GRIK1: variants seen among roughly 807,000 people sequenced by gnomAD.
The protein encoded by GRIK1 is glutamate ionotropic receptor kainate type subunit 1.
Under a neutral mutation model 105.7 loss-of-function variants are expected in GRIK1, and 69 were observed. That is an observed-to-expected ratio of 0.65 (90% CI 0.54 to 0.80). The LOEUF (loss-of-function observed/expected upper bound fraction) is 0.80, where lower values mean the gene tolerates loss of function less well. Ranked by LOEUF, GRIK1 falls within the 30% of genes least tolerant of loss-of-function variation. GRIK1 has a pLI of 0.00. For synonymous variants in GRIK1, 438 were observed against 431.3 expected, an observed-to-expected ratio of 1.02 and a Z score of -0.19; for missense variants, 1,109 against 1,167.3, an observed-to-expected ratio of 0.95 and a Z score of 0.73.
At chr21:29,796,750 A>C (rs2066569381) in intron 1 of GRIK1, among the ~76,000 whole-genome samples, 1 of 152,136 alleles carries the variant, frequency 6.6e-6, no homozygotes, top group African/African-American at 2.4e-5. Context: ...AAAGTTCGAG[A>C]CCAGCCTGGC....
At chr21:29,901,682 C>G (rs2070414225) in intron 1 of GRIK1, among the ~76,000 whole-genome samples, 1 of 152,148 alleles carries the variant, frequency 6.6e-6, no homozygotes, top group Non-Finnish European at 1.5e-5. Context: ...AAGTCCAGGA[C>G]AAGACGGATT....
At chr21:29,770,669 C>G (rs147326559) in intron 1 of GRIK1, among the ~76,000 whole-genome samples, 1 of 152,220 alleles carries the variant, frequency 6.6e-6, no homozygotes, top group East Asian at 1.9e-4. Flanking sequence ...TATCTTCCTA[C>G]CACTTCTTGT....
At chr21:29,740,498 G>A (rs908895424) in intron 1 of GRIK1, among the ~76,000 whole-genome samples, 9 of 152,174 alleles carry the variant, frequency 5.9e-5, no homozygotes, top group African/African-American at 2.2e-4. Flanking sequence ...TTTCAGGCGT[G>A]AGCCATCGTG....
chr21:29,867,669 C>T (rs1601893851), intron 1 of GRIK1, among the ~76,000 whole-genome samples: 1 of 152,186 alleles, frequency 6.6e-6, no homozygotes, highest in East Asian at 1.9e-4. Flanking sequence ...TGGCGCATGC[C>T]TATAATCCCA....
intron 3 of GRIK1, among the ~76,000 whole-genome samples, chr21:29,681,464 C>G (rs1195563255): frequency 6.6e-6 from 1 of 152,240 alleles, no homozygotes; most frequent in Non-Finnish European, 1.5e-5. Flanking sequence ...CAGGCACACT[C>G]TCACCTGAGA....
chr21:29,878,618 G>T (rs767998957), intron 1 of GRIK1, among the ~76,000 whole-genome samples: 6 of 152,086 alleles, frequency 3.9e-5, no homozygotes, highest in African/African-American at 1.4e-4. Context: ...ATTATTAGGA[G>T]GTGGGGTCTC....
intron 1 of GRIK1, among the ~76,000 whole-genome samples, chr21:29,812,317 T>C (rs2067033183): frequency 1.3e-5 from 2 of 152,164 alleles, no homozygotes; most frequent in African/African-American, 4.8e-5. Context: ...GTTCTAATTA[T>C]GCTGATTAGA....
chr21:29,620,810 T>TATATAGATAGATAGATAGATAGATAG (rs2061979413), intron 7 of GRIK1, among the ~76,000 whole-genome samples: 1 of 114,972 alleles, frequency 8.7e-6, no homozygotes, highest in African/African-American at 4.2e-5. Flanking sequence ...TATATAGATA[T>TATATAGATAGATAGATAGATAGATAG]ATATATATAG....
At chr21:29,800,104 T>C (rs1222300867) in intron 1 of GRIK1, among the ~76,000 whole-genome samples, 4 of 152,178 alleles carry the variant, frequency 2.6e-5, no homozygotes, top group Non-Finnish European at 4.4e-5. Context: ...ATTTAGACAG[T>C]TCCTTTTTCT....
intron 1 of GRIK1, among the ~76,000 whole-genome samples, chr21:29,880,093 C>T (rs557722896): frequency 6.3e-4 from 96 of 152,172 alleles, no homozygotes; most frequent in Admixed American, 2.8e-3. Flanking sequence ...AAATTACTCA[C>T]GCTTCACTGT....
chr21:29,927,903 T>C (rs1199429128), intron 1 of GRIK1, among the ~76,000 whole-genome samples: 1 of 151,634 alleles, frequency 6.6e-6, no homozygotes, highest in African/African-American at 2.4e-5. Context: ...CAAACAAAAA[T>C]ATACATATAC....
chr21:29,710,919 A>T (rs746920078), intron 1 of GRIK1, among the ~76,000 whole-genome samples: 9 of 147,986 alleles, frequency 6.1e-5, no homozygotes, highest in Non-Finnish European at 1.2e-4. Flanking sequence ...CAGCAGTTTT[A>T]TCTGCTTTAA....
chr21:29,592,975 C>T (rs2061353906), intron 9 of GRIK1, among the ~76,000 whole-genome samples: 1 of 152,146 alleles, frequency 6.6e-6, no homozygotes, highest in Non-Finnish European at 1.5e-5. Flanking sequence ...GTGTTAGGCT[C>T]CATCCTCCTT....
In GRIK1 at chr21:29,581,478, T is replaced by C; in HGVS notation, c.1859A>G (p.Asn620Ser). The change falls in exon 13 of 18, where the codon AAT (asparagine) becomes AGT (serine). Residue 620 changes from asparagine to serine, a missense_variant. Physicochemically the swap from Asn to Ser is conservative, Grantham distance 46. Transcript: ENST00000327783. ...CNPDSDVVENNFTLLNSFWFG... is the reference protein window; with the variant it reads ...CNPDSDVVENSFTLLNSFWFG... ...CCAGAAACTATTTAGTAAAGTAAAA[T>C]TGTTTTCCACCACGTCTGAGTCAGG... 6.2e-7 allele frequency: 1 copy of C among 1,613,380 alleles called. No individual in the cohort carries two copies. Among genetic ancestry groups the C allele is most frequent in the East Asian group, 2.2e-5 (1 of 44,854 alleles).
At chr21:29,927,907 C>T (rs1443813876) in intron 1 of GRIK1, among the ~76,000 whole-genome samples, 1 of 151,932 alleles carries the variant, frequency 6.6e-6, no homozygotes, top group African/African-American at 2.4e-5. Context: ...CAAAAATATA[C>T]ATATACACAC....
At chr21:29,927,911 TAC>T (rs1159542107) in intron 1 of GRIK1, among the ~76,000 whole-genome samples, 5 of 151,946 alleles carry the variant, frequency 3.3e-5, no homozygotes, top group South Asian at 2.1e-4. Context: ...AATATACATA[TAC>T]ACACACATAT....
chr21:29,787,364 G>A lies in GRIK1; in HGVS notation c.119-93301C>T, dbSNP rs188108521. On this transcript the variant is annotated intron_variant, in intron 1 of 17. Transcript: ENST00000327783. ...TGGAGTGATTTGGGGGCTCAAGGGA[G>A]AGCATCTTATATAAATGTTTTCCTA... is the stretch of plus-strand genomic sequence containing the variant. Among the ~76,000 whole-genome samples, 134 of 152,298 alleles carry A rather than the reference G, an allele frequency of 8.8e-4. 1 individual carries two copies. Among genetic ancestry groups the A allele is most frequent in the African/African-American group, 2.9e-3 (122 of 41,564 alleles).
chr21:29,751,467 C>G (rs550407929), intron 1 of GRIK1, among the ~76,000 whole-genome samples: 11 of 152,096 alleles, frequency 7.2e-5, no homozygotes, highest in Admixed American at 1.3e-4. Flanking sequence ...GTCCACTTTT[C>G]CCCTTCAAGG....
At chr21:29,888,344 A>C (rs2069756020) in intron 1 of GRIK1, among the ~76,000 whole-genome samples, 1 of 148,564 alleles carries the variant, frequency 6.7e-6, no homozygotes, top group Non-Finnish European at 1.5e-5. Flanking sequence ...AGCTCACTGC[A>C]GCCTTGACCT....
Sources: gnomAD v4.1 joint callset for allele counts (sites outside exome capture counted in the v4.1 genomes callset) on GRCh38, gnomAD v4.1.1 for gene constraint, MANE v1.5 for transcripts, NCBI Gene and HGNC (gene_info 2026-07-23, HGNC 2026-07-21) for gene names.